DNAH14: variants seen among roughly 807,000 people sequenced by gnomAD.
The protein encoded by DNAH14 is axonemal beta dynein heavy chain 14.
DNAH14 carries 478 observed loss-of-function variants against 520.9 expected under a neutral mutation model. The observed-to-expected ratio is 0.92, with a 90% CI of 0.85 to 0.99. The LOEUF (loss-of-function observed/expected upper bound fraction) is 0.99. Ranked by LOEUF, DNAH14 falls within the 50% of genes least tolerant of loss-of-function variation. DNAH14 has a pLI of 0.00. For synonymous variants in DNAH14, 1,581 were observed against 1,757.2 expected, an observed-to-expected ratio of 0.90 and a Z score of 2.51; for missense variants, 4,831 against 5,234.5, an observed-to-expected ratio of 0.92 and a Z score of 2.38.
chr1:224,988,815 T>G (rs1329760650), intron 8 of DNAH14, among the ~76,000 whole-genome samples: 1 of 152,156 alleles, frequency 6.6e-6, no homozygotes, highest in Non-Finnish European at 1.5e-5. Context: ...CTGGCTGATT[T>G]TTAAAAACAT....
intron 27 of DNAH14, among the ~76,000 whole-genome samples, chr1:225,125,252 A>G (rs946981687): frequency 6.6e-6 from 1 of 152,208 alleles, no homozygotes; most frequent in Non-Finnish European, 1.5e-5. Context: ...ATTAGCCTCT[A>G]ACAAGAGAAT....
intron 27 of DNAH14, among the ~76,000 whole-genome samples, chr1:225,137,528 G>A (rs1032720423): frequency 6.6e-6 from 1 of 152,034 alleles, no homozygotes; most frequent in Non-Finnish European, 1.5e-5. Context: ...GCTAATTTTT[G>A]TATTTTTAGT....
intron 17 of DNAH14, among the ~76,000 whole-genome samples, chr1:225,061,398 C>T (rs999554040): frequency 7.2e-5 from 11 of 152,198 alleles, no homozygotes; most frequent in Admixed American, 1.3e-4. Context: ...CCCGATTTTC[C>T]AGGTGCCGTG....
Position 225,002,753 on chromosome 1 carries a change from A to C in DNAH14, c.831-30A>C. On this transcript the variant is annotated intron_variant, in intron 8 of 85. Transcript: ENST00000682510. ...TAATTTTATTCATTTTGAATGAGAG[A>C]TATATCTGTAGAAATTTTTTAACTT... 4 of 1,538,086 alleles carry C rather than the reference A, an allele frequency of 2.6e-6. No individual in the cohort carries two copies. The East Asian group carries it at 9.8e-5, about 38-fold the overall frequency.
intron 1 of DNAH14, among the ~76,000 whole-genome samples, chr1:224,951,931 G>A (rs1478376907): frequency 3.3e-5 from 5 of 152,138 alleles, no homozygotes; most frequent in African/African-American, 1.2e-4. Flanking sequence ...GAGCCACGGC[G>A]CCCGGCTGGC....
intron 1 of DNAH14, among the ~76,000 whole-genome samples, chr1:224,930,461 G>C (rs1360817559): frequency 1.3e-5 from 2 of 152,192 alleles, no homozygotes; most frequent in Non-Finnish European, 2.9e-5. Context: ...TGATGTCATA[G>C]TCAAGGCATT....
At chr1:225,147,604 C>T (rs780719820) in intron 31 of DNAH14, among the ~76,000 whole-genome samples, 1 of 152,040 alleles carries the variant, frequency 6.6e-6, no homozygotes, top group Non-Finnish European at 1.5e-5. Flanking sequence ...TTTGAAGAAC[C>T]CAAACAAATG....
intron 75 of DNAH14, among the ~76,000 whole-genome samples, chr1:225,362,998 T>A (rs960274726): frequency 6.6e-6 from 1 of 152,128 alleles, no homozygotes; most frequent in African/African-American, 2.4e-5. Flanking sequence ...TTGCTTTCTG[T>A]TTCATTTTGT....
intron 77 of DNAH14, among the ~76,000 whole-genome samples, chr1:225,373,427 T>G (rs1332461583): frequency 7.0e-6 from 1 of 143,086 alleles, no homozygotes; most frequent in African/African-American, 2.6e-5. Flanking sequence ...GTCGCGCCAC[T>G]GCACTCCAGC....
At chr1:225,255,111 C>T (rs2092691217) in intron 44 of DNAH14, among the ~76,000 whole-genome samples, 1 of 152,144 alleles carries the variant, frequency 6.6e-6, no homozygotes, top group East Asian at 1.9e-4. Context: ...ACACAGAATT[C>T]TCTTTCTTGT....
intron 64 of DNAH14, among the ~76,000 whole-genome samples, chr1:225,327,800 G>A (rs901397289): frequency 6.6e-6 from 1 of 151,778 alleles, no homozygotes; most frequent in Non-Finnish European, 1.5e-5. Flanking sequence ...TACTTGAAGA[G>A]ATCATCAAAA....
At chr1:225,053,732 A>G (rs950909513) in intron 17 of DNAH14, among the ~76,000 whole-genome samples, 2 of 152,328 alleles carry the variant, frequency 1.3e-5, no homozygotes, top group African/African-American at 4.8e-5. Context: ...GTTGGGCAAC[A>G]GGGTGGGCAG....
At chr1:225,093,675 A>T (rs2074621926) in intron 21 of DNAH14, among the ~76,000 whole-genome samples, 1 of 152,148 alleles carries the variant, frequency 6.6e-6, no homozygotes, top group South Asian at 2.1e-4. Flanking sequence ...TCCAAATAGG[A>T]AAAAAGGAAG....
chr1:225,206,000 G>T lies in DNAH14; in HGVS notation c.6007G>T (p.Gly2003Cys). The change falls in exon 40 of 86, where the codon GGC becomes TGC. Residue 2003 changes from glycine to cysteine, a missense_variant. Gly to Cys is a radical substitution (Grantham distance 159). Coordinates refer to ENST00000682510, the MANE Select transcript of DNAH14 (RefSeq NM_001367479.1). ...NFDWQWIILD[G>C]PVDTFWVENL... ...TGATTGGCAGTGGATTATCCTAGAT[G>T]GCCCAGTGGACACCTTTTGGGTAGA... 2 of 1,551,500 alleles carry T rather than the reference G, an allele frequency of 1.3e-6. No homozygotes were observed. The highest frequency in any genetic ancestry group is 1.7e-6 in the Non-Finnish European group (2 of 1,146,806).
At chr1:225,286,256 G>A (rs1470871664) in intron 54 of DNAH14, among the ~76,000 whole-genome samples, 1 of 152,086 alleles carries the variant, frequency 6.6e-6, no homozygotes, top group Non-Finnish European at 1.5e-5. Flanking sequence ...GCTGAATATG[G>A]TTTACTATAA....
intron 2 of DNAH14, 148 bp downstream of exon 2, chr1:224,952,927 C>T (rs1248408072): frequency 1.5e-5 from 8 of 520,398 alleles, no homozygotes; most frequent in Middle Eastern, 6.2e-4. Context: ...ACCTTAGTTT[C>T]TCAGGGAGTG....
intron 42 of DNAH14, among the ~76,000 whole-genome samples, chr1:225,231,594 A>G (rs1300220719): frequency 1.3e-5 from 2 of 152,162 alleles, no homozygotes; most frequent in Non-Finnish European, 2.9e-5. Flanking sequence ...TTGTACATCT[A>G]TTCAGCCATT....
intron 22 of DNAH14, among the ~76,000 whole-genome samples, chr1:225,098,088 T>C (rs1455894267): frequency 6.6e-6 from 1 of 152,100 alleles, no homozygotes; most frequent in Non-Finnish European, 1.5e-5. Context: ...ACCCAGCTAC[T>C]TGGGAGGTTG....
intron 26 of DNAH14, among the ~76,000 whole-genome samples, chr1:225,122,639 T>C (rs2077391945): frequency 6.6e-6 from 1 of 152,126 alleles, no homozygotes; most frequent in Admixed American, 6.5e-5. Flanking sequence ...CAACAAAAAG[T>C]GTTTAAAAAT....
Sources: allele counts gnomAD v4.1 joint callset (sites outside exome capture counted in the v4.1 genomes callset), GRCh38; gene constraint gnomAD v4.1.1; transcripts MANE v1.5; gene names NCBI Gene and HGNC (gene_info 2026-07-23, HGNC 2026-07-21).